The following CCDC102A variants were observed in gnomAD, a reference collection of about 807,000 sequenced individuals.
The protein encoded by CCDC102A is coiled-coil domain containing 102A, also known as coiled-coil domain-containing protein 102A.
A neutral mutation model predicts 55.5 loss-of-function variants in CCDC102A; 40 were observed. The observed-to-expected ratio is 0.72, with a 90% CI of 0.56 to 0.94. The LOEUF (loss-of-function observed/expected upper bound fraction) is 0.94, where lower values mean the gene tolerates loss of function less well. Among genes scored for constraint, CCDC102A ranks in the 40% least tolerant of loss-of-function variants. The pLI is 0.00. For missense variants in CCDC102A, 779 were observed against 768.6 expected, an observed-to-expected ratio of 1.01 and a Z score of -0.16; for synonymous variants, 323 against 339.0, an observed-to-expected ratio of 0.95 and a Z score of 0.52.
intron 4 of CCDC102A, among the ~76,000 whole-genome samples, chr16:57,519,269 T>A (rs1370273883): frequency 1.3e-5 from 2 of 152,370 alleles, no homozygotes; most frequent in African/African-American, 2.4e-5. Flanking sequence ...TTCTTAGGAC[T>A]GATTTTTCTT....
chr16:57,517,064 A>G (rs571227455), intron 6 of CCDC102A, among the ~76,000 whole-genome samples: 1 of 152,100 alleles, frequency 6.6e-6, no homozygotes, highest in Admixed American at 6.5e-5. Context: ...TGTCCAGGGA[A>G]TGTCAACAGC....
intron 4 of CCDC102A, among the ~76,000 whole-genome samples, chr16:57,520,174 G>A (rs1379256204): frequency 2.0e-5 from 3 of 152,118 alleles, no homozygotes; most frequent in Non-Finnish European, 4.4e-5. Flanking sequence ...GGTCTACAAG[G>A]CCCCCTCCTG....
At chr16:57,528,201 A>G (rs1277835292) in intron 2 of CCDC102A, among the ~76,000 whole-genome samples, 2 of 152,234 alleles carry the variant, frequency 1.3e-5, no homozygotes, top group Non-Finnish European at 2.9e-5. Flanking sequence ...AGCTTCTGTG[A>G]AGCCTGCGTC....
In CCDC102A at chr16:57,529,065, A is replaced by C; in HGVS notation, c.113T>G (p.Leu38Trp). Residue 38 changes from leucine to tryptophan, a missense_variant, in exon 2 of 9, where the codon TTG becomes TGG. Physicochemically the swap from Leu to Trp is moderately conservative, Grantham distance 61. Coordinates refer to ENST00000258214, the MANE Select transcript of CCDC102A (RefSeq NM_033212.4). This position sits in a 1 kb window ranked among gnomAD's most constrained non-coding sequence, Gnocchi z 4.1. ...CGTGCCGCTGGGCGGCGTGGGCGGCAAGGAGTCGGCAGGCCCCATGCGCTC... is the reference window on the plus strand; with the variant it reads ...CGTGCCGCTGGGCGGCGTGGGCGGCCAGGAGTCGGCAGGCCCCATGCGCTC... Reference protein sequence around the residue: ...SPERMGPADSLPPTPPSGTPS... With the variant: ...SPERMGPADSWPPTPPSGTPS... 8.7e-7 allele frequency: 1 copy of C among 1,152,244 alleles called. No homozygotes were observed. Among genetic ancestry groups the C allele is most frequent in the South Asian group, 4.2e-5 (1 of 23,680 alleles). 71.4% of individuals were successfully genotyped at this position (1,152,244 alleles called of 1,614,324 possible).
At position 57,526,070 on chromosome 16, in the gene CCDC102A, A is replaced by C; in HGVS notation, c.643T>G (p.Trp215Gly). Residue 215 changes from tryptophan (W) to glycine (G), a missense_variant, in exon 3 of 9, where the codon TGG becomes GGG. Trp to Gly is a radical substitution (Grantham distance 184). Coordinates refer to ENST00000258214, the MANE Select transcript of CCDC102A (RefSeq NM_033212.4). ...CCAGCCCCCAGGCTGCGCGCCTCCC[A>C]GCAGTCCTCAGACTCCTCTGGCATG... Reference protein sequence around the residue: ...KSMPEESEDCWEARSLGAGGP... With the variant: ...KSMPEESEDCGEARSLGAGGP... The C allele has an allele frequency of 6.3e-7, 1 of 1,587,048 alleles. No individual in the cohort carries two copies. The highest frequency in any genetic ancestry group is 8.5e-7 in the Non-Finnish European group (1 of 1,171,054).
chr16:57,523,222 G>C (rs2032080568), intron 3 of CCDC102A, among the ~76,000 whole-genome samples: 1 of 152,004 alleles, frequency 6.6e-6, no homozygotes, highest in Admixed American at 6.6e-5. Flanking sequence ...TAGTGCACTA[G>C]GTTGATTTTT....
chr16:57,519,027 T>A (rs1461023787), intron 4 of CCDC102A, among the ~76,000 whole-genome samples: 1 of 152,194 alleles, frequency 6.6e-6, no homozygotes, highest in East Asian at 1.9e-4. Flanking sequence ...CAAAGATGAA[T>A]GCAATCATAC....
Position 57,512,880 on chromosome 16 carries a change from G to C in CCDC102A, c.1524-10C>G, listed in dbSNP as rs751757226. Reference sequence around the variant, plus strand: ...CTGCTGCCTGCGGAGCCTGTGGGGTGGGGGTGACAGGAGGTTAGAGCAGCC... The same window carrying C: ...CTGCTGCCTGCGGAGCCTGTGGGGTCGGGGTGACAGGAGGTTAGAGCAGCC... On this transcript the variant is annotated splice_polypyrimidine_tract_variant and intron_variant, in intron 8 of 8. Coordinates refer to ENST00000258214, the MANE Select transcript of CCDC102A (RefSeq NM_033212.4). The C allele has an allele frequency of 6.2e-7, 1 of 1,611,366 alleles. No individual in the cohort carries two copies. Among genetic ancestry groups the C allele is most frequent in the South Asian group, 1.1e-5 (1 of 90,932 alleles).
intron 1 of CCDC102A, among the ~76,000 whole-genome samples, chr16:57,530,495 C>T (rs566258465): frequency 2.0e-5 from 3 of 152,320 alleles, no homozygotes; most frequent in East Asian, 3.9e-4. Context: ...CGGTGGGACT[C>T]GGCACTGGCT....
chr16:57,515,210 G>T, intron 8 of CCDC102A, 131 bp downstream of exon 8: 1 of 680,378 alleles, frequency 1.5e-6, no homozygotes, highest in Non-Finnish European at 2.6e-6. Flanking sequence ...GAGGGGACAG[G>T]ATTCTGGCTC....
Position 57,521,059 on chromosome 16 carries a change from A to G in CCDC102A, c.921+9T>C, listed in dbSNP as rs1423215854. 2 of 1,606,684 alleles carry G rather than the reference A, an allele frequency of 1.2e-6. No individual in the cohort carries two copies. Among genetic ancestry groups the G allele is most frequent in the Non-Finnish European group, 1.7e-6 (2 of 1,173,962 alleles). The stretch of plus-strand genomic sequence containing the variant: ...CCTCCAGGAAGACCCTCTGGTCTCC[A>G]AGACTCACCTGCTTGAGCATCTCCT... On this transcript the variant is annotated intron_variant, in intron 4 of 8. Transcript: ENST00000258214.
intron 3 of CCDC102A, among the ~76,000 whole-genome samples, chr16:57,524,220 A>C (rs2032096182): frequency 1.3e-5 from 2 of 152,056 alleles, no homozygotes; most frequent in African/African-American, 4.8e-5. Context: ...CCCTTCGAGA[A>C]GAACAAGGTG....
chr16:57,512,521 C>CGT lies in CCDC102A; in HGVS notation c.*219_*220insAC, dbSNP rs2031881297. On this transcript the variant is annotated 3_prime_UTR_variant, in exon 9 of 9. Coordinates refer to ENST00000258214, the MANE Select transcript of CCDC102A (RefSeq NM_033212.4). ...CCAAAGACTTCTGGGTGTGCGCGCG[C>CGT]GCGCGCGCGTGTGTGTATATATATA... is the stretch of plus-strand genomic sequence containing the variant. 4 of 473,364 alleles carry CGT rather than the reference C, an allele frequency of 8.5e-6. No individual in the cohort carries two copies. Among genetic ancestry groups the CGT allele is most frequent in the African/African-American group, 8.0e-5 (4 of 49,812 alleles). 29.3% of individuals were successfully genotyped at this position (473,364 alleles called of 1,614,324 possible).
In CCDC102A at chr16:57,518,145, G is replaced by T. The variant is rs373638709; in HGVS notation, c.1171C>A (p.Arg391=). ...QVGDLEEALA[R]RRRQTASALD... The stretch of plus-strand genomic sequence containing the variant: ...GCGCTGGCTGTTTGCCGCCGCCGCC[G>T]GGCCAGCGCCTCCTCCAGGTCTCCG... The change falls in exon 6 of 9, where the codon CGG becomes AGG. Residue 391 remains arginine, a synonymous_variant. Transcript: ENST00000258214. 3.7e-6 allele frequency: 6 copies of T among 1,611,106 alleles called. No individual in the cohort carries two copies. Among genetic ancestry groups the T allele is most frequent in the Non-Finnish European group, 5.1e-6 (6 of 1,179,742 alleles).
At chr16:57,525,862 T>C (rs1419398837) in intron 3 of CCDC102A, 39 bp downstream of exon 3, 1 of 1,572,216 alleles carries the variant, frequency 6.4e-7, no homozygotes, top group South Asian at 1.1e-5. Flanking sequence ...TAGCACGGCC[T>C]GGCCCTGGCC....
Position 57,529,617 on chromosome 16 carries a change from C to A in CCDC102A, c.-147-293G>T, listed in dbSNP as rs1350933065. On this transcript the variant is annotated intron_variant, in intron 1 of 8. Transcript: ENST00000258214. The surrounding 1 kb of genome is among the most constrained non-coding windows in gnomAD (Gnocchi z 4.1). ...TGATGGCTTATACTATACTACTATG[C>A]AACTTCCGCACAGGACCCAGGCGGG... Among the ~76,000 whole-genome samples the A allele has an allele frequency of 6.6e-6, 1 of 152,214 alleles. No individual in the cohort carries two copies. The highest frequency in any genetic ancestry group is 2.4e-5 in the African/African-American group (1 of 41,458).
At chr16:57,522,033 GC>G (rs2146704896) in intron 3 of CCDC102A, among the ~76,000 whole-genome samples, 1 of 152,344 alleles carries the variant, frequency 6.6e-6, no homozygotes, top group East Asian at 1.9e-4. Flanking sequence ...TCCCTGCAAT[GC>G]CCTGGGCGTC....
Position 57,518,253 on chromosome 16 carries a change from C to T in CCDC102A, c.1063G>A (p.Ala355Thr), listed in dbSNP as rs144125982. ...CGCTCCCGGCGGCCCCACTCCGCAG[C>T]GTTTTCGGCCTGCAGCCGCTCCATC... is the stretch of plus-strand genomic sequence containing the variant. Reference protein sequence around the residue: ...GEMERLQAENAAEWGRRERLE... With the variant: ...GEMERLQAENTAEWGRRERLE... The change falls in exon 6 of 9, where the codon GCT becomes ACT. Residue 355 changes from alanine (A) to threonine (T), a missense_variant. Coordinates refer to ENST00000258214, the MANE Select transcript of CCDC102A (RefSeq NM_033212.4). The T allele has an allele frequency of 4.2e-5, 68 of 1,610,266 alleles. No homozygotes were observed. The highest frequency in any genetic ancestry group is 5.0e-5 in the Admixed American group (3 of 60,014).
In CCDC102A at chr16:57,529,969, G is replaced by C. The variant is rs1207167553; in HGVS notation, c.-147-645C>G. Reference sequence around the variant, plus strand: ...CCAGGCACTGTGCCCAGGGCTTTAGGTGAACGATCTCATTTATTCCTTAAA... The same window carrying C: ...CCAGGCACTGTGCCCAGGGCTTTAGCTGAACGATCTCATTTATTCCTTAAA... On this transcript the variant is annotated intron_variant, in intron 1 of 8. Transcript: ENST00000258214. The surrounding 1 kb of genome is among the most constrained non-coding windows in gnomAD (Gnocchi z 4.1). 6.6e-6 allele frequency among the ~76,000 whole-genome samples: 1 copy of C among 152,160 alleles called. No homozygotes were observed. The highest frequency in any genetic ancestry group is 1.5e-5 in the Non-Finnish European group (1 of 68,042).
Sources: gnomAD v4.1 joint callset for allele counts (sites outside exome capture counted in the v4.1 genomes callset) on GRCh38, gnomAD v4.1.1 for gene constraint, Gnocchi (gnomAD v3.1) non-coding constraint, MANE v1.5 for transcripts, NCBI Gene and HGNC (gene_info 2026-07-23, HGNC 2026-07-21) for gene names.